The following WDR25 variants were observed in gnomAD, a reference collection of about 807,000 sequenced individuals.
The protein encoded by WDR25 is WD repeat domain 25.
In WDR25, 35 loss-of-function variants were observed where a neutral mutation model predicts 47.7. The ratio of observed to expected loss-of-function variants is 0.73; its 90% CI spans 0.56 to 0.97. The LOEUF (loss-of-function observed/expected upper bound fraction) is 0.97, where lower values mean the gene tolerates loss of function less well. WDR25 is among the 50% of genes least tolerant of loss of function. The probability of loss-of-function intolerance (pLI) is 0.00; values close to 1 mark genes in which losing one functional copy is unlikely to be tolerated. For missense variants in WDR25, 634 were observed against 704.7 expected (o/e 0.90, Z 1.14); for synonymous variants, 248 against 278.9 (o/e 0.89, Z 1.10).
rs1407000108 is a variant in WDR25 at position 100,506,517 on chromosome 14, T to TA, written c.1102-19352dup. Among the ~76,000 whole-genome samples the TA allele has an allele frequency of 6.6e-6, 1 of 152,224 alleles. No homozygotes were observed. Among genetic ancestry groups the TA allele is most frequent in the Non-Finnish European group, 1.5e-5 (1 of 68,036 alleles). On this transcript the variant is annotated intron_variant, in intron 4 of 6. Transcript: ENST00000402312. The surrounding 1 kb of genome is among the most constrained non-coding windows in gnomAD (Gnocchi z 4.8). ...GCTTTCCACAATGGCTGAAATAACT[T>TA]ACATTCCCACCAACAGAGTATAAGT...
chr14:100,410,474 TTAAC>T (rs773218324), intron 2 of WDR25, among the ~76,000 whole-genome samples: 7 of 152,170 alleles, frequency 4.6e-5, no homozygotes, highest in Non-Finnish European at 8.8e-5. Flanking sequence ...AATCAGTTAA[TTAAC>T]AGGGTAATTA....
chr14:100,529,598 G>A lies in WDR25; in HGVS notation c.1414-222G>A. 1 of 613,166 alleles carries A rather than the reference G, an allele frequency of 1.6e-6. No individual in the cohort carries two copies. The highest frequency in any genetic ancestry group is 2.9e-6 in the Non-Finnish European group (1 of 350,614). 38.0% of individuals were successfully genotyped at this position (613,166 alleles called of 1,614,324 possible). On this transcript the variant is annotated intron_variant, in intron 6 of 6. Coordinates refer to ENST00000402312, the MANE Select transcript of WDR25 (RefSeq NM_001161476.3). This position sits in a 1 kb window ranked among gnomAD's most constrained non-coding sequence, Gnocchi z 5.1. ...GGCCAGACCCCTCAGCTGGGCTGGA[G>A]CTGGTCCCGCTGGATCTGCTGAACT...
At chr14:100,384,324 TGGCAAATTGGTTTTG>T (rs1896971393) in intron 2 of WDR25, among the ~76,000 whole-genome samples, 1 of 152,268 alleles carries the variant, frequency 6.6e-6, no homozygotes, top group Non-Finnish European at 1.5e-5. Flanking sequence ...TGGGGTTATT[TGGCAAATTGGTTTTG>T]GGCAAATTGA....
intron 4 of WDR25, among the ~76,000 whole-genome samples, chr14:100,493,059 C>T (rs1348169820): frequency 1.3e-5 from 2 of 152,182 alleles, no homozygotes; most frequent in Non-Finnish European, 1.5e-5. Context: ...GATTCTCCTG[C>T]GTCAGCCCAA....
At chr14:100,469,147 G>T (rs146432985) in intron 3 of WDR25, among the ~76,000 whole-genome samples, 1 of 152,188 alleles carries the variant, frequency 6.6e-6, no homozygotes, top group East Asian at 1.9e-4. Flanking sequence ...GCCTAGCCCC[G>T]CAGTGGTGGT....
intron 2 of WDR25, among the ~76,000 whole-genome samples, chr14:100,389,655 T>G (rs1184270213): frequency 6.6e-6 from 1 of 152,190 alleles, no homozygotes; most frequent in African/African-American, 2.4e-5. Context: ...TCCTGAAGTT[T>G]CCTGAACTTG....
At chr14:100,461,049 C>T (rs1325203525) in intron 2 of WDR25, among the ~76,000 whole-genome samples, 1 of 150,140 alleles carries the variant, frequency 6.7e-6, no homozygotes, top group Non-Finnish European at 1.5e-5. Flanking sequence ...CCCAGCTCTA[C>T]AAAAATAAAA....
chr14:100,511,990 G>A (rs1901326345), intron 4 of WDR25, among the ~76,000 whole-genome samples: 1 of 151,890 alleles, frequency 6.6e-6, no homozygotes, highest in Non-Finnish European at 1.5e-5. Context: ...TGTATAATTT[G>A]GAATTATATC....
chr14:100,439,154 A>C (rs998167272), intron 2 of WDR25, among the ~76,000 whole-genome samples: 2 of 152,228 alleles, frequency 1.3e-5, no homozygotes, highest in African/African-American at 4.8e-5. Context: ...CCCACTGGTG[A>C]CTGGTGGCAG....
intron 4 of WDR25, among the ~76,000 whole-genome samples, chr14:100,518,681 A>G (rs1901591443): frequency 6.6e-6 from 1 of 152,132 alleles, no homozygotes; most frequent in Admixed American, 6.5e-5. Flanking sequence ...GTCTGAGCTC[A>G]GGAGTTCAAG....
rs556198745 is a variant in WDR25 at position 100,530,237 on chromosome 14, C to T, written c.*196C>T. On this transcript the variant is annotated 3_prime_UTR_variant, in exon 7 of 7. Transcript: ENST00000402312. ...AGTGTGAGGACTACACTAGTGAAAG[C>T]GCCTGGCGGGCAGCCGGCGATGCCC... 2.5e-5 allele frequency: 15 copies of T among 589,592 alleles called. No individual in the cohort carries two copies. The highest frequency in any genetic ancestry group is 6.7e-5 in the Admixed American group (2 of 29,856). 36.5% of individuals were successfully genotyped at this position (589,592 alleles called of 1,614,324 possible).
At chr14:100,480,815 G>C in intron 3 of WDR25, 1 of 221,526 alleles carries the variant, frequency 4.5e-6, no homozygotes, top group South Asian at 6.3e-5. Context: ...AGGGAAATGG[G>C]GCTTTACTAG....
At chr14:100,464,023 C>A (rs555058920) in intron 2 of WDR25, among the ~76,000 whole-genome samples, 1 of 152,264 alleles carries the variant, frequency 6.6e-6, no homozygotes, top group African/African-American at 2.4e-5. Context: ...TGGAGTGGTC[C>A]TACTGCAGTG....
At chr14:100,411,563 G>C (rs1459396913) in intron 2 of WDR25, among the ~76,000 whole-genome samples, 4 of 149,272 alleles carry the variant, frequency 2.7e-5, no homozygotes, top group Non-Finnish European at 5.9e-5. Context: ...TCGAGATAGA[G>C]TCTTGCTCTG....
At chr14:100,405,932 G>A (rs542831922) in intron 2 of WDR25, among the ~76,000 whole-genome samples, 1 of 152,326 alleles carries the variant, frequency 6.6e-6, no homozygotes, top group East Asian at 1.9e-4. Context: ...GTGCCTACAT[G>A]GGGCTCAAAA....
chr14:100,391,107 T>G (rs1402419343), intron 2 of WDR25, among the ~76,000 whole-genome samples: 1 of 152,186 alleles, frequency 6.6e-6, no homozygotes. Flanking sequence ...GTTTTGGTAT[T>G]TCATGTATTT....
intron 2 of WDR25, among the ~76,000 whole-genome samples, chr14:100,402,833 T>C (rs979225961): frequency 2.6e-5 from 4 of 152,084 alleles, no homozygotes; most frequent in Admixed American, 6.5e-5. Flanking sequence ...TAACACCTCG[T>C]GACCACCGTG....
intron 4 of WDR25, among the ~76,000 whole-genome samples, chr14:100,487,284 T>C (rs908515370): frequency 1.3e-5 from 2 of 152,196 alleles, no homozygotes; most frequent in African/African-American, 2.4e-5. Context: ...ATTAGACATG[T>C]AGGAGATTTA....
chr14:100,391,471 C>T (rs939879645), intron 2 of WDR25, among the ~76,000 whole-genome samples: 1 of 152,164 alleles, frequency 6.6e-6, no homozygotes, highest in African/African-American at 2.4e-5. Flanking sequence ...CGGCTTATTC[C>T]GCAGGGCATG....
Sources: gnomAD v4.1 joint callset for allele counts (sites outside exome capture counted in the v4.1 genomes callset) on GRCh38, gnomAD v4.1.1 for gene constraint, Gnocchi (gnomAD v3.1) non-coding constraint, MANE v1.5 for transcripts, NCBI Gene and HGNC (gene_info 2026-07-23, HGNC 2026-07-21) for gene names.